Variants in PIK3C2G observed in about 807,000 individuals in gnomAD.
PIK3C2G encodes phosphatidylinositol-4-phosphate 3-kinase catalytic subunit type 2 gamma, also known as phosphatidylinositol 3-kinase C2 domain-containing subunit gamma.
Under a neutral mutation model 181.1 loss-of-function variants are expected in PIK3C2G, and 168 were observed. The ratio of observed to expected loss-of-function variants is 0.93; its 90% confidence interval spans 0.82 to 1.05. The LOEUF (loss-of-function observed/expected upper bound fraction) is 1.05. PIK3C2G is among the 50% of genes least tolerant of loss of function. PIK3C2G has a pLI of 0.00. For missense variants in PIK3C2G, 1,869 were observed against 1,732.8 expected (o/e 1.08, Z -1.40); for synonymous variants, 573 against 592.2 (o/e 0.97, Z 0.47).
At chr12:18,611,644 AC>A (rs1241297382) in intron 31 of PIK3C2G, among the ~76,000 whole-genome samples, 2 of 152,048 alleles carry the variant, frequency 1.3e-5, no homozygotes, top group African/African-American at 4.8e-5. Flanking sequence ...CACTAAACCT[AC>A]ATCGTTTGCC....
At chr12:18,450,281 C>G (rs2135882517) in intron 18 of PIK3C2G, among the ~76,000 whole-genome samples, 1 of 152,284 alleles carries the variant, frequency 6.6e-6, no homozygotes, top group Middle Eastern at 3.4e-3. Flanking sequence ...CATGTGCCAC[C>G]ACGCCTGGCT....
intron 15 of PIK3C2G, among the ~76,000 whole-genome samples, chr12:18,397,443 C>A (rs900170294): frequency 2.6e-5 from 4 of 151,770 alleles, no homozygotes; most frequent in African/African-American, 9.7e-5. Flanking sequence ...AGAAATCATG[C>A]AAATGAATCT....
At chr12:18,495,052 T>C (rs1257941734) in intron 20 of PIK3C2G, among the ~76,000 whole-genome samples, 1 of 152,046 alleles carries the variant, frequency 6.6e-6, no homozygotes, top group Non-Finnish European at 1.5e-5. Context: ...AGATATTGGG[T>C]TAGATTTGTG....
chr12:18,264,384 A>T (rs16914063), intron 1 of PIK3C2G, among the ~76,000 whole-genome samples: 21,079 of 151,946 alleles, frequency 0.14, 1,816 homozygotes, highest in East Asian at 0.47. Context: ...TATTTTTCAG[A>T]CCTTCCCTGG....
At chr12:18,472,825 G>A (rs893351028) in intron 18 of PIK3C2G, among the ~76,000 whole-genome samples, 3 of 151,738 alleles carry the variant, frequency 2.0e-5, no homozygotes, top group Non-Finnish European at 2.9e-5. Context: ...TAAGCTTCCC[G>A]AGTAGCTGGG....
At chr12:18,713,218 A>T in the PIK3C2G span, among the ~76,000 whole-genome samples, 25 of 152,002 alleles carry the variant, frequency 1.6e-4, no homozygotes, top group African/African-American at 5.6e-4. Context: ...CGCTAGTCAA[A>T]TGTTTTACTC....
intron 7 of PIK3C2G, among the ~76,000 whole-genome samples, chr12:18,323,238 G>C (rs1951188385): frequency 6.6e-6 from 1 of 152,150 alleles, no homozygotes; most frequent in Non-Finnish European, 1.5e-5. Context: ...GCTGTAGCAA[G>C]GGTAGAGGAA....
chr12:18,508,396 G>A (rs1170380221), intron 24 of PIK3C2G, among the ~76,000 whole-genome samples: 4 of 152,060 alleles, frequency 2.6e-5, no homozygotes, highest in African/African-American at 4.8e-5. Context: ...TTCACAGAAC[G>A]TTGTTTTCTA....
chr12:18,390,974 T>A (rs1449099828), intron 14 of PIK3C2G, 148 bp from the exon 15 acceptor site: 7 of 499,738 alleles, frequency 1.4e-5, no homozygotes, highest in Non-Finnish European at 2.1e-5. Context: ...AATAATTATT[T>A]TAGAAATTAT....
chr12:18,600,279 A>C (rs1267937253), intron 30 of PIK3C2G, among the ~76,000 whole-genome samples: 1 of 151,996 alleles, frequency 6.6e-6, no homozygotes, highest in Non-Finnish European at 1.5e-5. Context: ...GAAGACACTT[A>C]GGTTTAGGAA....
At chr12:18,715,120 A>G in the PIK3C2G span, among the ~76,000 whole-genome samples, 1 of 138,626 alleles carries the variant, frequency 7.2e-6, no homozygotes, top group South Asian at 2.5e-4. Flanking sequence ...TATAACACTA[A>G]GTCAATGTAC....
At chr12:18,670,309 C>T in the PIK3C2G span, among the ~76,000 whole-genome samples, 1 of 152,090 alleles carries the variant, frequency 6.6e-6, no homozygotes, top group Admixed American at 6.6e-5. Context: ...CACACACACA[C>T]ACAACATCAG....
At chr12:18,344,143 GGCACAGGAA>G (rs1170067519) in intron 10 of PIK3C2G, among the ~76,000 whole-genome samples, 2 of 152,046 alleles carry the variant, frequency 1.3e-5, no homozygotes, top group African/African-American at 4.8e-5. Context: ...GATGGTACTT[GGCACAGGAA>G]TACTCTGAGT....
At chr12:18,375,028 A>T (rs2137907868) in intron 13 of PIK3C2G, among the ~76,000 whole-genome samples, 1 of 152,308 alleles carries the variant, frequency 6.6e-6, no homozygotes, top group South Asian at 2.1e-4. Context: ...TCCTTACAGC[A>T]ATGCAAGAAT....
chr12:18,404,497 A>G (rs1312170246), intron 16 of PIK3C2G, among the ~76,000 whole-genome samples: 1 of 152,190 alleles, frequency 6.6e-6, no homozygotes, highest in East Asian at 1.9e-4. Context: ...CTACGAGCCC[A>G]AAGGAGAGAG....
intron 24 of PIK3C2G, among the ~76,000 whole-genome samples, chr12:18,527,531 G>T (rs1264414957): frequency 6.6e-6 from 1 of 152,092 alleles, no homozygotes; most frequent in Non-Finnish European, 1.5e-5. Flanking sequence ...TATTTAAAAT[G>T]CAATTTCACC....
intron 14 of PIK3C2G, among the ~76,000 whole-genome samples, chr12:18,385,464 C>T (rs1943105400): frequency 6.6e-6 from 1 of 152,164 alleles, no homozygotes; most frequent in East Asian, 1.9e-4. Context: ...CTTCCTGCCT[C>T]TCCCCGAATG....
intron 28 of PIK3C2G, among the ~76,000 whole-genome samples, chr12:18,565,065 C>A (rs983892694): frequency 3.3e-5 from 5 of 152,114 alleles, no homozygotes; most frequent in African/African-American, 1.2e-4. Flanking sequence ...CCTGTGGAGG[C>A]AAGGAACATT....
At chr12:18,423,392 ATC>A (rs1242923758) in intron 17 of PIK3C2G, among the ~76,000 whole-genome samples, 3 of 152,074 alleles carry the variant, frequency 2.0e-5, no homozygotes, top group Admixed American at 2.0e-4. Flanking sequence ...TGCCACTGTT[ATC>A]TCTGTTTTCT....
Sources: allele counts gnomAD v4.1 joint callset (sites outside exome capture counted in the v4.1 genomes callset), GRCh38; gene constraint gnomAD v4.1.1; transcripts MANE v1.5; gene names NCBI Gene and HGNC (gene_info 2026-07-23, HGNC 2026-07-21).